The following GALM variants were observed in gnomAD, a reference collection of about 807,000 sequenced individuals.
GALM encodes galactose mutarotase, also known as aldose 1-epimerase.
A neutral mutation model predicts 37.4 loss-of-function variants in GALM; 43 were observed. The observed-to-expected ratio is 1.15, with a 90% CI of 0.90 to 1.48. The LOEUF is 1.48. GALM is among the 40% of genes most tolerant of loss of function. The pLI, the probability that GALM is intolerant of heterozygous loss-of-function variation, is 0.00. For missense variants in GALM, 456 were observed against 419.1 expected (o/e 1.09, Z -0.77); for synonymous variants, 199 against 170.6 (o/e 1.17, Z -1.30).
In GALM at chr2:38,698,375, A is replaced by C. The variant is rs992302074; in HGVS notation, c.634+8481A>C. On this transcript the variant is annotated intron_variant, in intron 4 of 6. Transcript: ENST00000272252. ...TCCTGTCCCATGGCAGGTGGCACCA[A>C]CAGAAGGTTTCTGCAAGGCTGAGAG... 17 of 1,304,534 alleles carry C rather than the reference A, an allele frequency of 1.3e-5. No homozygotes were observed. In the African/African-American group the frequency reaches 2.4e-4, roughly 19 times the overall value. The allele number at this position is 1,304,534 out of a possible 1,614,324, so 80.8% of individuals were successfully genotyped here.
rs1665250210 is a variant in GALM, at chr2:38,675,983, T to A, written c.262T>A (p.Phe88Ile). ...GGCCAACCGAATCGCCAAAGGAACC[T>A]TCAAGGTGGATGGGAAGGAGTATCA... is the stretch of plus-strand genomic sequence containing the variant. ...RVANRIAKGTFKVDGKEYHLA... is the reference protein window; with the variant it reads ...RVANRIAKGTIKVDGKEYHLA... The change falls in exon 2 of 7, where the codon TTC becomes ATC. Residue 88 changes from phenylalanine to isoleucine, a missense_variant. Coordinates refer to ENST00000272252, the MANE Select transcript of GALM (RefSeq NM_138801.3). The A allele has an allele frequency of 6.2e-7, 1 of 1,613,934 alleles. No individual in the cohort carries two copies. Among genetic ancestry groups the A allele is most frequent in the South Asian group, 1.1e-5 (1 of 91,084 alleles).
intron 4 of GALM, among the ~76,000 whole-genome samples, chr2:38,690,725 G>A (rs536325980): frequency 2.0e-5 from 3 of 152,242 alleles, no homozygotes; most frequent in East Asian, 3.9e-4. Context: ...AAGCCACTGC[G>A]CCCGGCCACT....
intron 4 of GALM, among the ~76,000 whole-genome samples, chr2:38,727,194 C>T (rs574005036): frequency 9.1e-5 from 13 of 143,430 alleles, no homozygotes; most frequent in African/African-American, 2.9e-4. Flanking sequence ...CCAGCTTGGG[C>T]GACAGAGTGA....
At chr2:38,669,077 G>A (rs1302482426) in intron 1 of GALM, 1 of 152,108 alleles carries the variant, frequency 6.6e-6, no homozygotes, top group Non-Finnish European at 1.5e-5. Flanking sequence ...TTCTAAAGAA[G>A]AAAATTATAT....
At chr2:38,673,880 A>T (rs2148425202) in intron 1 of GALM, among the ~76,000 whole-genome samples, 1 of 152,210 alleles carries the variant, frequency 6.6e-6, no homozygotes, top group Non-Finnish European at 1.5e-5. Flanking sequence ...ACATGGAGCA[A>T]TCTGAAGATA....
chr2:38,674,841 G>A (rs1231295675), intron 1 of GALM, among the ~76,000 whole-genome samples: 1 of 152,108 alleles, frequency 6.6e-6, no homozygotes, highest in Non-Finnish European at 1.5e-5. Context: ...AGTCAACTTT[G>A]GATTGAAAAT....
intron 3 of GALM, among the ~76,000 whole-genome samples, chr2:38,689,409 G>A (rs1665618141): frequency 6.6e-6 from 1 of 152,172 alleles, no homozygotes. Context: ...CCCCAGGAGT[G>A]AGCCTGGAGC....
intron 4 of GALM, 85 bp from the exon 5 acceptor site, chr2:38,729,471 T>G (rs972335314): frequency 7.3e-6 from 9 of 1,233,926 alleles, no homozygotes; most frequent in African/African-American, 6.1e-5. Context: ...GCGGAGAGAG[T>G]AGAACCAGTG....
intron 4 of GALM, among the ~76,000 whole-genome samples, chr2:38,693,492 A>C (rs1665731321): frequency 6.6e-6 from 1 of 152,024 alleles, no homozygotes; most frequent in African/African-American, 2.4e-5. Flanking sequence ...CCAAAAAAAA[A>C]AAAAAAAGAG....
At chr2:38,699,174 A>G (rs1665868781) in intron 4 of GALM, among the ~76,000 whole-genome samples, 1 of 152,178 alleles carries the variant, frequency 6.6e-6, no homozygotes, top group East Asian at 1.9e-4. Flanking sequence ...TCGGCCTCTC[A>G]AAGTGCTGGG....
chr2:38,699,537 G>T (rs903210367), intron 4 of GALM, among the ~76,000 whole-genome samples: 16 of 152,010 alleles, frequency 1.1e-4, no homozygotes, highest in African/African-American at 3.9e-4. Flanking sequence ...CAACCTTTAG[G>T]CTGTGTGCGG....
At chr2:38,696,949 C>T (rs1399600256) in intron 4 of GALM, among the ~76,000 whole-genome samples, 2 of 151,768 alleles carry the variant, frequency 1.3e-5, no homozygotes, top group Non-Finnish European at 2.9e-5. Context: ...GCCACCACGC[C>T]CGGCTAATTT....
At chr2:38,678,428 A>C (rs561989543) in intron 2 of GALM, among the ~76,000 whole-genome samples, 1 of 152,334 alleles carries the variant, frequency 6.6e-6, no homozygotes, top group East Asian at 1.9e-4. Flanking sequence ...TCCTTCCATA[A>C]ATAGGAATTA....
chr2:38,710,341 C>G (rs1666124452), intron 4 of GALM, among the ~76,000 whole-genome samples: 1 of 152,230 alleles, frequency 6.6e-6, no homozygotes, highest in South Asian at 2.1e-4. Flanking sequence ...CTTCTGCATT[C>G]TGCCAGCACT....
chr2:38,717,441 C>T (rs903887697), intron 4 of GALM, among the ~76,000 whole-genome samples: 9 of 151,696 alleles, frequency 5.9e-5, no homozygotes, highest in Non-Finnish European at 1.3e-4. Flanking sequence ...ACTCTATCGC[C>T]CAGGCTGGAG....
intron 5 of GALM, among the ~76,000 whole-genome samples, chr2:38,731,533 G>A (rs993607881): frequency 6.6e-6 from 1 of 152,006 alleles, no homozygotes; most frequent in Non-Finnish European, 1.5e-5. Flanking sequence ...AGCTACTGAG[G>A]ATCCTGAAAG....
intron 4 of GALM, among the ~76,000 whole-genome samples, chr2:38,708,107 AAAATTAAAATAAAATAAAAT>A (rs765634309): frequency 4.1e-5 from 3 of 73,910 alleles, no homozygotes; most frequent in Non-Finnish European, 1.0e-4. Context: ...AAACTGTATC[AAAATTAAAATAAAATAAAAT>A]AAAATAAAAT....
chr2:38,669,540 T>A (rs1665037485), intron 1 of GALM: 3 of 152,220 alleles, frequency 2.0e-5, no homozygotes, highest in Admixed American at 6.5e-5. Flanking sequence ...TACAACAGCC[T>A]AGAAAAATCA....
At position 38,666,127 on chromosome 2, in the gene GALM, G is replaced by A. The variant is rs764798419; in HGVS notation, c.-35G>A. 7.6e-6 allele frequency: 12 copies of A among 1,580,412 alleles called. No individual in the cohort carries two copies. In the East Asian group the frequency reaches 2.7e-4, roughly 36 times the overall value. On this transcript the variant is annotated 5_prime_UTR_variant, in exon 1 of 7. Transcript: ENST00000272252. ...AGCTTAGCGAGCGCTGGAGTTTGAA[G>A]AGCGGGCAGTGGCTGCACACGCCAA...
Sources: allele counts gnomAD v4.1 joint callset (sites outside exome capture counted in the v4.1 genomes callset), GRCh38; gene constraint gnomAD v4.1.1; transcripts MANE v1.5; gene names NCBI Gene and HGNC (gene_info 2026-07-23, HGNC 2026-07-21).